AKAP13: variants seen among roughly 807,000 people sequenced by gnomAD.
AKAP13 encodes A-kinase anchor protein 13.
Under a neutral mutation model 264.5 loss-of-function variants are expected in AKAP13, and 80 were observed. That is an observed-to-expected ratio of 0.30 (90% confidence interval 0.25 to 0.36). AKAP13 has a LOEUF of 0.36. Ranked by LOEUF, AKAP13 falls within the 10% of genes least tolerant of loss-of-function variation. AKAP13 has a pLI of 1.00. For missense variants in AKAP13, 3,712 were observed against 3,435.2 expected (o/e 1.08, Z -2.01); for synonymous variants, 1,380 against 1,250.2 (o/e 1.10, Z -2.19).
intron 1 of AKAP13, among the ~76,000 whole-genome samples, chr15:85,430,559 C>T (rs2072982380): frequency 6.6e-6 from 1 of 152,150 alleles, no homozygotes; most frequent in African/African-American, 2.4e-5. Context: ...CTTCACTGAA[C>T]CACCTGTACA....
At chr15:85,695,170 C>T (rs1415867687) in intron 17 of AKAP13, among the ~76,000 whole-genome samples, 3 of 152,180 alleles carry the variant, frequency 2.0e-5, no homozygotes, top group South Asian at 2.1e-4. Context: ...TTTGGGAGGC[C>T]GAGGTGAGCG....
At chr15:85,583,406 G>A (rs2079203837) in intron 7 of AKAP13, among the ~76,000 whole-genome samples, 3 of 152,158 alleles carry the variant, frequency 2.0e-5, no homozygotes, top group South Asian at 2.1e-4. Context: ...TAAGGAATCC[G>A]AGGTAGAATT....
chr15:85,466,087 A>G (rs1453909906), intron 1 of AKAP13, among the ~76,000 whole-genome samples: 3 of 152,086 alleles, frequency 2.0e-5, no homozygotes, highest in Non-Finnish European at 2.9e-5. Context: ...TCTGATTTGC[A>G]TTTCTCTGAT....
At chr15:85,526,098 C>T (rs187493807) in intron 3 of AKAP13, among the ~76,000 whole-genome samples, 1 of 152,072 alleles carries the variant, frequency 6.6e-6, no homozygotes, top group Non-Finnish European at 1.5e-5. Context: ...TTCTTTTTCA[C>T]TGATAAGGGA....
intron 1 of AKAP13, among the ~76,000 whole-genome samples, chr15:85,400,370 G>A (rs1358483926): frequency 6.6e-6 from 1 of 151,978 alleles, no homozygotes; most frequent in Non-Finnish European, 1.5e-5. Flanking sequence ...TGATCACACT[G>A]CCTTTACTCC....
intron 9 of AKAP13, among the ~76,000 whole-genome samples, chr15:85,645,322 A>G (rs1311192619): frequency 6.6e-6 from 1 of 152,208 alleles, no homozygotes; most frequent in African/African-American, 2.4e-5. Flanking sequence ...TTGGCATATT[A>G]TGCCCCCAAT....
intron 1 of AKAP13, among the ~76,000 whole-genome samples, chr15:85,426,561 A>G: frequency 6.6e-6 from 1 of 152,292 alleles, no homozygotes; most frequent in Non-Finnish European, 1.5e-5. Context: ...GTGGTCTTAT[A>G]AAGAAAACCA....
intron 2 of AKAP13, among the ~76,000 whole-genome samples, chr15:85,509,130 T>TA (rs1321437306): frequency 6.6e-6 from 1 of 152,220 alleles, no homozygotes. Flanking sequence ...GTCTGACACA[T>TA]ATTACAGTAA....
intron 1 of AKAP13, among the ~76,000 whole-genome samples, chr15:85,381,183 CGGGGCGGGCTCACTCCTCCCCT>C (rs2070224201): frequency 1.3e-5 from 2 of 152,060 alleles, no homozygotes; most frequent in African/African-American, 2.4e-5. Context: ...TCGGCGCCGC[CGGGGCGGGCTCACTCCTCCCCT>C]GGGGCGGGCG....
intron 17 of AKAP13, among the ~76,000 whole-genome samples, chr15:85,698,943 C>CA (rs10715702): frequency 0.14 from 10,423 of 72,762 alleles, 1,166 homozygotes; most frequent in Non-Finnish European, 0.19. Context: ...GACCTTGTCT[C>CA]AAAAAAAAAA....
chr15:85,443,760 T>G (rs1334202926), intron 1 of AKAP13, among the ~76,000 whole-genome samples: 5 of 128,838 alleles, frequency 3.9e-5, no homozygotes, highest in Admixed American at 7.9e-5. Flanking sequence ...TGGTTTCATG[T>G]AAAAAAAAAA....
At chr15:85,490,455 T>G (rs1734958888) in intron 2 of AKAP13, among the ~76,000 whole-genome samples, 2 of 152,244 alleles carry the variant, frequency 1.3e-5, no homozygotes, top group Non-Finnish European at 2.9e-5. Context: ...TGAAATCGTT[T>G]GAGTCTTCTC....
At chr15:85,452,335 T>C (rs1415030433) in intron 1 of AKAP13, among the ~76,000 whole-genome samples, 9 of 152,190 alleles carry the variant, frequency 5.9e-5, no homozygotes, top group African/African-American at 2.2e-4. Context: ...CAATGATCTT[T>C]GTTCCTATCC....
chr15:85,419,934 T>TG (rs2072436847), intron 1 of AKAP13, among the ~76,000 whole-genome samples: 2 of 134,158 alleles, frequency 1.5e-5, no homozygotes, highest in South Asian at 2.3e-4. Context: ...ATCTGACTCT[T>TG]GTTTTTTTTT....
At chr15:85,641,407 C>T (rs1473806691) in intron 9 of AKAP13, among the ~76,000 whole-genome samples, 1 of 149,832 alleles carries the variant, frequency 6.7e-6, no homozygotes, top group Non-Finnish European at 1.5e-5. Flanking sequence ...GATCATGCCA[C>T]TGCACTCCAG....
At chr15:85,620,215 T>G in intron 8 of AKAP13, 1 of 1,528,172 alleles carries the variant, frequency 6.5e-7, no homozygotes, top group Non-Finnish European at 8.8e-7. Context: ...CTCTGCAGGC[T>G]GTTTTAGCGC....
chr15:85,559,281 G>A (rs1357200989), intron 5 of AKAP13, among the ~76,000 whole-genome samples: 1 of 152,128 alleles, frequency 6.6e-6, no homozygotes, highest in Non-Finnish European at 1.5e-5. Flanking sequence ...TTCTGACATA[G>A]ATCAACCTAG....
intron 10 of AKAP13, among the ~76,000 whole-genome samples, chr15:85,655,199 C>CA (rs1220419955): frequency 4.6e-5 from 7 of 151,266 alleles, no homozygotes; most frequent in East Asian, 1.9e-4. Flanking sequence ...CAAAAACAAA[C>CA]AAAAAAAAGA....
chr15:85,494,708 C>T (rs1334426506), intron 2 of AKAP13, among the ~76,000 whole-genome samples: 1 of 152,216 alleles, frequency 6.6e-6, no homozygotes, highest in East Asian at 1.9e-4. Context: ...TGCAGTTTCA[C>T]AGCAGGTTAC....
Sources: allele counts gnomAD v4.1 joint callset (sites outside exome capture counted in the v4.1 genomes callset), GRCh38; gene constraint gnomAD v4.1.1; transcripts MANE v1.5; gene names NCBI Gene and HGNC (gene_info 2026-07-23, HGNC 2026-07-21).